The following GBE1 variants were observed in gnomAD, a reference collection of about 807,000 sequenced individuals.
The protein encoded by GBE1 is 1,4-alpha-glucan branching enzyme 1.
GBE1 carries 70 observed loss-of-function variants against 88.8 expected under a neutral mutation model. The observed-to-expected ratio is 0.79, with a 90% CI of 0.65 to 0.96. The LOEUF (loss-of-function observed/expected upper bound fraction) is 0.96, where lower values mean the gene tolerates loss of function less well. GBE1 is among the 40% of genes least tolerant of loss of function. GBE1 has a pLI of 0.00. For synonymous variants in GBE1, 284 were observed against 300.1 expected, an observed-to-expected ratio of 0.95 and a Z score of 0.56; for missense variants, 872 against 871.0, an observed-to-expected ratio of 1.00 and a Z score of -0.01.
At chr3:81,753,366 C>T (rs1289510160) in intron 1 of GBE1, among the ~76,000 whole-genome samples, 1 of 152,082 alleles carries the variant, frequency 6.6e-6, no homozygotes, top group African/African-American at 2.4e-5. Flanking sequence ...TGAAAGGTAC[C>T]TGGTAGTAGC....
chr3:81,749,634 A>T (rs1575776973), intron 1 of GBE1, among the ~76,000 whole-genome samples: 1 of 152,222 alleles, frequency 6.6e-6, no homozygotes, highest in African/African-American at 2.4e-5. Context: ...GAGAAATGTA[A>T]ATAAGGTCTG....
At chr3:81,738,850 T>C (rs887340835) in intron 1 of GBE1, among the ~76,000 whole-genome samples, 5 of 152,158 alleles carry the variant, frequency 3.3e-5, no homozygotes, top group African/African-American at 1.2e-4. Context: ...AAATTACCCA[T>C]AGTGTCAGTC....
intron 1 of GBE1, among the ~76,000 whole-genome samples, chr3:81,750,753 T>C (rs1706518599): frequency 6.9e-6 from 1 of 144,524 alleles, no homozygotes; most frequent in Admixed American, 7.0e-5. Flanking sequence ...CGATCTTGGC[T>C]CACTGCAACC....
intron 12 of GBE1, among the ~76,000 whole-genome samples, chr3:81,547,667 CTT>C (rs1703225769): frequency 2.2e-5 from 3 of 137,778 alleles, no homozygotes; most frequent in African/African-American, 2.6e-5. Flanking sequence ...CTCTCTCTCT[CTT>C]TCTCCCTCTG....
At chr3:81,748,997 C>A (rs1366602551) in intron 1 of GBE1, among the ~76,000 whole-genome samples, 1 of 124,960 alleles carries the variant, frequency 8.0e-6, no homozygotes, top group Non-Finnish European at 1.6e-5. Flanking sequence ...CAGAGCAAGA[C>A]TCTGTCTCAA....
chr3:81,740,232 A>G (rs1706326273), intron 1 of GBE1, among the ~76,000 whole-genome samples: 1 of 152,120 alleles, frequency 6.6e-6, no homozygotes, highest in East Asian at 1.9e-4. Flanking sequence ...CTCAAATAAT[A>G]ATAATAATAG....
At chr3:81,502,204 A>C (rs897739382) in intron 14 of GBE1, among the ~76,000 whole-genome samples, 4 of 152,148 alleles carry the variant, frequency 2.6e-5, no homozygotes, top group African/African-American at 7.2e-5. Context: ...AAAATTTAAT[A>C]GTTTTTGTGT....
At chr3:81,666,100 G>C (rs979718786) in intron 3 of GBE1, among the ~76,000 whole-genome samples, 1 of 152,094 alleles carries the variant, frequency 6.6e-6, no homozygotes, top group Non-Finnish European at 1.5e-5. Flanking sequence ...TGTACCTTTT[G>C]AGATTTGCAT....
At chr3:81,728,273 A>G (rs1706139360) in intron 1 of GBE1, among the ~76,000 whole-genome samples, 1 of 152,186 alleles carries the variant, frequency 6.6e-6, no homozygotes, top group African/African-American at 2.4e-5. Flanking sequence ...AAAGTAATTT[A>G]AACTCTGTAA....
chr3:81,736,040 G>A (rs1176683783), intron 1 of GBE1, among the ~76,000 whole-genome samples: 2 of 152,034 alleles, frequency 1.3e-5, no homozygotes, highest in Non-Finnish European at 2.9e-5. Flanking sequence ...TGCCAAAAAA[G>A]CCCTTTGCCA....
chr3:81,622,893 T>C (rs868608966), intron 7 of GBE1, among the ~76,000 whole-genome samples: 2 of 152,334 alleles, frequency 1.3e-5, no homozygotes, highest in Middle Eastern at 3.4e-3. Context: ...TAATTAATTA[T>C]TAAAGCCCCT....
chr3:81,495,873 A>T (rs914092367), intron 15 of GBE1, among the ~76,000 whole-genome samples: 1 of 152,218 alleles, frequency 6.6e-6, no homozygotes, highest in Non-Finnish European at 1.5e-5. Flanking sequence ...GAATGAGAGT[A>T]AATACATCTA....
At position 81,761,381 on chromosome 3, in the gene GBE1, T is replaced by C. The variant is rs748051809; in HGVS notation, c.137A>G (p.Gln46Arg). ...GGTGGGATTCCGGCGGTACCTGCGC[T>C]GGAAGTCCACGGCGTAGGGCTTCAA... Reference protein sequence around the residue: ...PYLKPYAVDFQRRYKQFSQIL... With the variant: ...PYLKPYAVDFRRRYKQFSQIL... Residue 46 changes from glutamine to arginine, a missense_variant, in exon 1 of 16, where the codon CAG becomes CGG. By Grantham distance (43) the Gln-to-Arg change is conservative (BLOSUM62 1). Transcript: ENST00000429644. 1 of 1,607,688 alleles carries C rather than the reference T, an allele frequency of 6.2e-7. No homozygotes were observed. The highest frequency in any genetic ancestry group is 1.1e-5 in the South Asian group (1 of 90,978).
At chr3:81,690,435 C>T (rs1268454278) in intron 2 of GBE1, among the ~76,000 whole-genome samples, 1 of 152,120 alleles carries the variant, frequency 6.6e-6, no homozygotes, top group African/African-American at 2.4e-5. Flanking sequence ...GATACTTGTC[C>T]AGCTCTGGTA....
chr3:81,592,497 T>A (rs566744154), intron 8 of GBE1, among the ~76,000 whole-genome samples: 76 of 152,196 alleles, frequency 5.0e-4, no homozygotes, highest in Admixed American at 9.2e-4. Context: ...TCAAATACTG[T>A]GTCTTGATAT....
At chr3:81,650,137 C>A (rs556877090) in intron 3 of GBE1, 2 of 357,238 alleles carry the variant, frequency 5.6e-6, no homozygotes, top group African/African-American at 2.2e-5. Context: ...CCAGCTTGAA[C>A]ATTTTATGGC....
intron 7 of GBE1, among the ~76,000 whole-genome samples, chr3:81,634,650 GA>G (rs1485889873): frequency 6.6e-6 from 1 of 151,858 alleles, no homozygotes; most frequent in Non-Finnish European, 1.5e-5. Flanking sequence ...GAGACAGGGG[GA>G]AAAAAGAGAG....
At chr3:81,492,172 C>T (rs997780896) in intron 15 of GBE1, among the ~76,000 whole-genome samples, 6 of 152,200 alleles carry the variant, frequency 3.9e-5, no homozygotes, top group African/African-American at 1.4e-4. Context: ...CATGTAGTCA[C>T]TAAGTGTGAG....
intron 7 of GBE1, among the ~76,000 whole-genome samples, chr3:81,595,509 A>T (rs1408130708): frequency 7.9e-5 from 12 of 152,094 alleles, no homozygotes; most frequent in Admixed American, 5.2e-4. Flanking sequence ...CTATATGAGA[A>T]TTTCAGAAAG....
Sources: gnomAD v4.1 joint callset for allele counts (sites outside exome capture counted in the v4.1 genomes callset) on GRCh38, gnomAD v4.1.1 for gene constraint, MANE v1.5 for transcripts, NCBI Gene and HGNC (gene_info 2026-07-23, HGNC 2026-07-21) for gene names.